MPP7: variants seen among roughly 807,000 people sequenced by gnomAD.
MPP7 encodes the protein MAGUK p55 scaffold protein 7, also known as MAGUK p55 subfamily member 7.
MPP7 carries 60 observed loss-of-function variants against 76.5 expected under a neutral mutation model. The observed-to-expected ratio is 0.78, with a 90% CI of 0.64 to 0.97. The LOEUF is 0.97. MPP7 is among the 50% of genes least tolerant of loss of function. The probability of loss-of-function intolerance (pLI) is 0.00; values close to 1 mark genes in which losing one functional copy is unlikely to be tolerated. For synonymous variants in MPP7, 237 were observed against 244.5 expected (o/e 0.97, Z 0.29); for missense variants, 641 against 694.0 (o/e 0.92, Z 0.86).
intron 1 of MPP7, among the ~76,000 whole-genome samples, chr10:28,248,288 G>T (rs942929056): frequency 1.3e-5 from 2 of 152,114 alleles, no homozygotes; most frequent in African/African-American, 4.8e-5. Flanking sequence ...AGGGGAACCT[G>T]GCTGGGAAAA....
At chr10:28,224,589 C>T (rs1269827275) in intron 2 of MPP7, among the ~76,000 whole-genome samples, 1 of 152,138 alleles carries the variant, frequency 6.6e-6, no homozygotes, top group East Asian at 1.9e-4. Context: ...TAATTTGCTT[C>T]CCTTTTCTGG....
At chr10:28,061,231 G>C (rs1851773412) in intron 13 of MPP7, among the ~76,000 whole-genome samples, 1 of 151,834 alleles carries the variant, frequency 6.6e-6, no homozygotes, top group African/African-American at 2.4e-5. Context: ...AACCCTGAAT[G>C]ACCTGGAAGT....
chr10:28,314,007 G>A (rs1841305709), intron 2 of MPP7, among the ~76,000 whole-genome samples: 1 of 151,832 alleles, frequency 6.6e-6, no homozygotes, highest in South Asian at 2.1e-4. Flanking sequence ...TGCCTAGCAC[G>A]GAATAACCTT....
chr10:28,106,508 A>G (rs1410371127), intron 11 of MPP7, among the ~76,000 whole-genome samples: 1 of 152,248 alleles, frequency 6.6e-6, no homozygotes, highest in Non-Finnish European at 1.5e-5. Context: ...GGTTATGGGA[A>G]TAAGAAGTCA....
intron 3 of MPP7, among the ~76,000 whole-genome samples, chr10:28,180,999 G>C (rs1837041050): frequency 6.6e-6 from 1 of 152,196 alleles, no homozygotes; most frequent in South Asian, 2.1e-4. Flanking sequence ...TGGATGAATG[G>C]ATGGACCCAT....
intron 1 of MPP7, among the ~76,000 whole-genome samples, chr10:28,258,857 T>C (rs569105438): frequency 6.6e-6 from 1 of 152,050 alleles, no homozygotes; most frequent in South Asian, 2.1e-4. Context: ...TCCTGTGGAG[T>C]GGGAGAGAGA....
intron 3 of MPP7, among the ~76,000 whole-genome samples, chr10:28,190,345 T>C (rs1392856181): frequency 6.6e-6 from 1 of 152,172 alleles, no homozygotes; most frequent in African/African-American, 2.4e-5. Context: ...CTGACATTTA[T>C]GGAATACTTT....
intron 5 of MPP7, 80 bp downstream of exon 5, chr10:28,147,403 T>C: frequency 2.8e-6 from 3 of 1,062,830 alleles, no homozygotes; most frequent in Non-Finnish European, 4.4e-6. Context: ...TGAGAATTGA[T>C]GCTCGAAACA....
upstream of MPP7, chr10:28,303,202 A>G (rs1264212731): frequency 1.3e-5 from 2 of 151,382 alleles, no homozygotes; most frequent in Non-Finnish European, 3.0e-5. Flanking sequence ...CTCCAGCAGA[A>G]CTCCCTCATT....
intron 2 of MPP7, among the ~76,000 whole-genome samples, chr10:28,220,630 C>G (rs1202711818): frequency 6.6e-6 from 1 of 152,130 alleles, no homozygotes; most frequent in Non-Finnish European, 1.5e-5. Context: ...AAGTGGTAAG[C>G]AATCAACAGA....
chr10:28,161,648 C>T (rs1836268266), intron 3 of MPP7, among the ~76,000 whole-genome samples: 1 of 152,118 alleles, frequency 6.6e-6, no homozygotes, highest in Non-Finnish European at 1.5e-5. Context: ...AACAACATTT[C>T]CTACCACCTC....
intron 1 of MPP7, among the ~76,000 whole-genome samples, chr10:28,261,561 T>C (rs556388250): frequency 1.4e-3 from 209 of 152,184 alleles, no homozygotes; most frequent in Middle Eastern, 6.8e-3. Flanking sequence ...TCCAAATACA[T>C]ACCTAGGCAG....
intron 3 of MPP7, among the ~76,000 whole-genome samples, chr10:28,168,213 C>A (rs1477108378): frequency 6.6e-6 from 1 of 152,084 alleles, no homozygotes; most frequent in Non-Finnish European, 1.5e-5. Context: ...CCAGCCTGGG[C>A]AACAGAGTGA....
chr10:28,119,032 G>A (rs57575764), intron 11 of MPP7: 14,647 of 985,188 alleles, frequency 0.015, 257 homozygotes, highest in East Asian at 0.11. Flanking sequence ...TGGGTGGTGG[G>A]AAATAAAGAA....
chr10:28,258,320 T>C (rs1224487374), intron 1 of MPP7, among the ~76,000 whole-genome samples: 1 of 149,328 alleles, frequency 6.7e-6, no homozygotes, highest in Non-Finnish European at 1.5e-5. Context: ...CTATATATAC[T>C]ACTATCTAGT....
chr10:28,175,263 C>T (rs1425358588), intron 3 of MPP7, among the ~76,000 whole-genome samples: 1 of 150,846 alleles, frequency 6.6e-6, no homozygotes, highest in Admixed American at 6.6e-5. Context: ...GCACTCCAGC[C>T]TGGGTAACAG....
intron 12 of MPP7, among the ~76,000 whole-genome samples, chr10:28,085,336 C>CTGAAGGATGAAGGACATGAAGGA (rs1341152591): frequency 6.6e-6 from 1 of 152,090 alleles, no homozygotes; most frequent in Non-Finnish European, 1.5e-5. Flanking sequence ...ATGATGAGGA[C>CTGAAGGATGAAGGACATGAAGGA]TGAAGGAATA....
chr10:28,200,825 T>C (rs978283623), intron 3 of MPP7, among the ~76,000 whole-genome samples: 3 of 152,204 alleles, frequency 2.0e-5, no homozygotes, highest in Non-Finnish European at 2.9e-5. Flanking sequence ...TGTAAATACA[T>C]ACAAATGAAT....
intron 8 of MPP7, among the ~76,000 whole-genome samples, chr10:28,122,503 T>C (rs1228532502): frequency 6.6e-6 from 1 of 152,196 alleles, no homozygotes; most frequent in Non-Finnish European, 1.5e-5. Flanking sequence ...CTACTAATAA[T>C]TTATCCCATC....
Sources: allele counts gnomAD v4.1 joint callset (sites outside exome capture counted in the v4.1 genomes callset), GRCh38; gene constraint gnomAD v4.1.1; transcripts MANE v1.5; gene names NCBI Gene and HGNC (gene_info 2026-07-23, HGNC 2026-07-21).